The following KHDRBS3 variants were observed in gnomAD, a reference collection of about 807,000 sequenced individuals.
The protein encoded by KHDRBS3 is KH RNA binding domain containing, signal transduction associated 3, also known as KH domain-containing, RNA-binding, signal transduction-associated protein 3.
KHDRBS3 carries 23 observed loss-of-function variants against 45.6 expected under a neutral mutation model. That is an observed-to-expected ratio of 0.50 (90% CI 0.36 to 0.72). The LOEUF is 0.72. KHDRBS3 is among the 30% of genes least tolerant of loss of function. The pLI, the probability that KHDRBS3 is intolerant of heterozygous loss-of-function variation, is 0.00. For synonymous variants in KHDRBS3, 162 were observed against 156.5 expected (o/e 1.04, Z -0.26); for missense variants, 352 against 424.8 (o/e 0.83, Z 1.51).
intron 2 of KHDRBS3, among the ~76,000 whole-genome samples, chr8:135,528,038 T>C (rs1285872412): frequency 6.6e-6 from 1 of 152,244 alleles, no homozygotes; most frequent in Non-Finnish European, 1.5e-5. Context: ...TAGTGTGCTA[T>C]GTTAAGTCTA....
At chr8:135,620,929 C>G (rs1252846623) in intron 7 of KHDRBS3, among the ~76,000 whole-genome samples, 1 of 152,148 alleles carries the variant, frequency 6.6e-6, no homozygotes, top group Non-Finnish European at 1.5e-5. Context: ...GTTTATATCA[C>G]CAACACCTAA....
intron 7 of KHDRBS3, among the ~76,000 whole-genome samples, chr8:135,631,253 A>G (rs899681456): frequency 9.0e-4 from 17 of 18,810 alleles, no homozygotes; most frequent in Non-Finnish European, 1.5e-3. Context: ...TCCGTCTCGG[A>G]AAAAAAAAAA....
At chr8:135,522,068 AT>A (rs1479342907) in intron 2 of KHDRBS3, among the ~76,000 whole-genome samples, 1 of 152,126 alleles carries the variant, frequency 6.6e-6, no homozygotes, top group African/African-American at 2.4e-5. Flanking sequence ...TAAGCCCCAC[AT>A]GCATTAGCTA....
chr8:135,633,913 C>T (rs73712101), intron 7 of KHDRBS3, among the ~76,000 whole-genome samples: 129 of 152,290 alleles, frequency 8.5e-4, no homozygotes, highest in African/African-American at 3.0e-3. Flanking sequence ...CATTAGAGTT[C>T]ACTCTTGGTG....
intron 5 of KHDRBS3, among the ~76,000 whole-genome samples, chr8:135,561,539 G>GTT (rs11406237): frequency 0.028 from 4,060 of 146,738 alleles, 62 homozygotes; most frequent in African/African-American, 0.047. Context: ...TAAGTAATAA[G>GTT]TTTTTTTTTT....
chr8:135,643,774 T>G (rs1348261791), intron 7 of KHDRBS3, among the ~76,000 whole-genome samples: 1 of 152,164 alleles, frequency 6.6e-6, no homozygotes, highest in Non-Finnish European at 1.5e-5. Flanking sequence ...TCCATGCAAT[T>G]TAGCCTGGCT....
intron 7 of KHDRBS3, among the ~76,000 whole-genome samples, chr8:135,624,751 T>C (rs891275072): frequency 1.3e-5 from 2 of 152,246 alleles, no homozygotes; most frequent in Admixed American, 1.3e-4. Context: ...CATTTTATAT[T>C]TTGAAATATG....
At chr8:135,635,634 C>T (rs1179261405) in intron 7 of KHDRBS3, among the ~76,000 whole-genome samples, 3 of 152,182 alleles carry the variant, frequency 2.0e-5, no homozygotes, top group African/African-American at 2.4e-5. Context: ...CCACCTGCCT[C>T]GGTCTCCCAA....
chr8:135,561,552 T>C (rs1038925201), intron 5 of KHDRBS3, among the ~76,000 whole-genome samples: 45 of 151,816 alleles, frequency 3.0e-4, no homozygotes, highest in African/African-American at 9.7e-4. Context: ...TTTTTTTTTT[T>C]CCCATTCCCT....
At chr8:135,643,706 G>T (rs11988916) in intron 7 of KHDRBS3, among the ~76,000 whole-genome samples, 1 of 152,130 alleles carries the variant, frequency 6.6e-6, no homozygotes, top group African/African-American at 2.4e-5. Context: ...GAAAAACTCC[G>T]TGTGGTTGTG....
intron 2 of KHDRBS3, among the ~76,000 whole-genome samples, chr8:135,532,698 G>T (rs1200825872): frequency 1.3e-5 from 2 of 152,146 alleles, no homozygotes; most frequent in Non-Finnish European, 2.9e-5. Flanking sequence ...GAGAAGTTGA[G>T]TAACTTGCTA....
intron 1 of KHDRBS3, among the ~76,000 whole-genome samples, chr8:135,481,350 G>T (rs949019513): frequency 6.7e-6 from 1 of 150,140 alleles, no homozygotes; most frequent in African/African-American, 2.5e-5. Context: ...CTCAGTTCAG[G>T]TGTTATCACC....
intron 1 of KHDRBS3, among the ~76,000 whole-genome samples, chr8:135,462,568 G>T (rs968796295): frequency 6.6e-6 from 1 of 152,104 alleles, no homozygotes; most frequent in Non-Finnish European, 1.5e-5. Flanking sequence ...TGATTGGATG[G>T]CTTAGATTTA....
At chr8:135,615,497 A>T (rs1829879618) in intron 7 of KHDRBS3, among the ~76,000 whole-genome samples, 1 of 152,110 alleles carries the variant, frequency 6.6e-6, no homozygotes, top group Non-Finnish European at 1.5e-5. Context: ...TAATGACATT[A>T]TTGATTTCAA....
intron 1 of KHDRBS3, among the ~76,000 whole-genome samples, chr8:135,466,301 A>C (rs905715387): frequency 3.3e-5 from 5 of 152,150 alleles, no homozygotes; most frequent in Admixed American, 6.5e-5. Context: ...TCTTCATTTA[A>C]TCCATGACTT....
Position 135,457,964 on chromosome 8 carries a change from C to T in KHDRBS3, c.88+10C>T, listed in dbSNP as rs1479303429. On this transcript the variant is annotated intron_variant, in intron 1 of 8. Coordinates refer to ENST00000355849, the MANE Select transcript of KHDRBS3 (RefSeq NM_006558.3). This position sits in a 1 kb window ranked among gnomAD's most constrained non-coding sequence, Gnocchi z 4.4. ...CGCCTGGTGAACCAAGGTGAGGCGC[C>T]GGCCGTTAACTGCCGGCCGGCGGCG... 2 of 1,583,760 alleles carry T rather than the reference C, an allele frequency of 1.3e-6. No homozygotes were observed. Among genetic ancestry groups the T allele is most frequent in the South Asian group, 1.1e-5 (1 of 87,150 alleles).
intron 1 of KHDRBS3, among the ~76,000 whole-genome samples, chr8:135,473,766 A>G (rs1224768015): frequency 6.6e-6 from 1 of 152,194 alleles, no homozygotes. Flanking sequence ...TCACATGATA[A>G]AAACGGGCTG....
intron 4 of KHDRBS3, among the ~76,000 whole-genome samples, chr8:135,654,280 CATTA>C (rs140083075): frequency 0.063 from 9,605 of 152,214 alleles, 400 homozygotes; most frequent in Non-Finnish European, 0.096. Flanking sequence ...ATTTTGCTCA[CATTA>C]AAGGCAATGC....
At chr8:135,461,878 TTTG>T (rs1821448964) in intron 1 of KHDRBS3, among the ~76,000 whole-genome samples, 1 of 152,238 alleles carries the variant, frequency 6.6e-6, no homozygotes, top group Non-Finnish European at 1.5e-5. Flanking sequence ...ATAAAAGTTT[TTTG>T]TTTGTATATC....
Sources: gnomAD v4.1 joint callset for allele counts (sites outside exome capture counted in the v4.1 genomes callset) on GRCh38, gnomAD v4.1.1 for gene constraint, Gnocchi (gnomAD v3.1) non-coding constraint, MANE v1.5 for transcripts, NCBI Gene and HGNC (gene_info 2026-07-23, HGNC 2026-07-21) for gene names.